Variants in NDE1 observed in about 807,000 individuals in gnomAD.
The protein encoded by NDE1 is nuclear distribution protein nudE homolog 1.
A neutral mutation model predicts 43.4 loss-of-function variants in NDE1; 28 were observed. The observed-to-expected ratio is 0.65, with a 90% CI of 0.48 to 0.89. The LOEUF (loss-of-function observed/expected upper bound fraction) is 0.89, where lower values mean the gene tolerates loss of function less well. Among genes scored for constraint, NDE1 ranks in the 40% least tolerant of loss-of-function variants. The pLI is 0.00. For missense variants in NDE1, 441 were observed against 434.1 expected (o/e 1.02, Z -0.14); for synonymous variants, 184 against 172.0 (o/e 1.07, Z -0.55).
In NDE1 at chr16:15,677,948, C is replaced by T. The variant is rs1812104536; in HGVS notation, c.385C>T (p.Arg129Cys). 5 of 1,613,794 alleles carry T rather than the reference C, an allele frequency of 3.1e-6. No individual in the cohort carries two copies. The highest frequency in any genetic ancestry group is 1.7e-5 in the Admixed American group (1 of 59,942). The change falls in exon 4 of 9, where the codon CGC (arginine) becomes TGC (cysteine). Residue 129 changes from arginine to cysteine, a missense_variant and splice_region_variant. By Grantham distance (180) the Arg-to-Cys change is radical. Transcript: ENST00000396354. ...QANDDLERAK[R>C]ATIMSLEDFE... ...AAATGACGACCTGGAAAGAGCCAAG[C>T]GGTATGGGTGGAAGGGAAAAGCACG...
chr16:15,694,355 T>C lies in NDE1; in HGVS notation c.795+99T>C, dbSNP rs755393396. 16 of 1,547,734 alleles carry C rather than the reference T, an allele frequency of 1.0e-5. No individual in the cohort carries two copies. The South Asian group carries it at 1.5e-4, about 15-fold the overall frequency. Reference sequence around the variant, plus strand: ...TTCCTTCCCTCTCTTCTTTTTTTCTTTTTTTTTAGAGACAGGGTCTTGCTC... The same window carrying C: ...TTCCTTCCCTCTCTTCTTTTTTTCTCTTTTTTTAGAGACAGGGTCTTGCTC... On this transcript the variant is annotated intron_variant, in intron 7 of 8. Coordinates refer to ENST00000396354, the MANE Select transcript of NDE1 (RefSeq NM_017668.3).
intron 3 of NDE1, among the ~76,000 whole-genome samples, chr16:15,675,739 G>A (rs926321353): frequency 2.4e-4 from 36 of 152,108 alleles, no homozygotes; most frequent in African/African-American, 8.7e-4. Flanking sequence ...GGTGTTTGGT[G>A]AAGGAAAGTA....
chr16:15,717,274 G>C lies in NDE1; in HGVS notation c.948-6917G>C, dbSNP rs35295469. 7 of 1,613,860 alleles carry C rather than the reference G, an allele frequency of 4.3e-6. No homozygotes were observed. The highest frequency in any genetic ancestry group is 2.2e-5 in the East Asian group (1 of 44,884). On this transcript the variant is annotated intron_variant, in intron 8 of 8. Transcript: ENST00000396354. Reference sequence around the variant, plus strand: ...TCCGGAGCTCCTTGTTCTGCCGCTCGAGCTGCTGCCGGGCACTCTCATTCT... The same window carrying C: ...TCCGGAGCTCCTTGTTCTGCCGCTCCAGCTGCTGCCGGGCACTCTCATTCT...
chr16:15,661,071 T>TA (rs1476269904), intron 1 of NDE1, among the ~76,000 whole-genome samples: 1 of 152,116 alleles, frequency 6.6e-6, no homozygotes, highest in Non-Finnish European at 1.5e-5. Context: ...CATCTTGGTG[T>TA]GTCATGGACA....
Position 15,679,156 on chromosome 16 carries a change from G to T in NDE1, c.386+1207G>T, listed in dbSNP as rs569189754. Among the ~76,000 whole-genome samples the T allele has an allele frequency of 2.6e-3, 392 of 152,226 alleles. 6 individuals are homozygous for T. The highest frequency in any genetic ancestry group is 9.2e-3 in the African/African-American group (382 of 41,542). On this transcript the variant is annotated intron_variant, in intron 4 of 8. Coordinates refer to ENST00000396354, the MANE Select transcript of NDE1 (RefSeq NM_017668.3). ...TTCTTTTATTTATTTTTGGAAACAG[G>T]GTCTTGCTCTGTTACCCAGGCTGGA...
chr16:15,651,149 G>T (rs974134364), intron 1 of NDE1, among the ~76,000 whole-genome samples: 1 of 152,156 alleles, frequency 6.6e-6, no homozygotes, highest in Non-Finnish European at 1.5e-5. Flanking sequence ...CCTCCTGAGG[G>T]CCTGAGCTTC....
intron 8 of NDE1, among the ~76,000 whole-genome samples, chr16:15,711,656 G>A (rs2039801826): frequency 2.6e-5 from 4 of 152,136 alleles, no homozygotes; most frequent in Admixed American, 2.6e-4. Flanking sequence ...TAGGACCCGA[G>A]GGATAAAGGT....
At chr16:15,643,570 CT>C (rs796579453) in exon 1 of NDE1, 16,563 of 244,214 alleles carry the variant, frequency 0.068, no homozygotes, top group South Asian at 0.14. Context: ...GTCCCTTCGG[CT>C]TTTTTTTTTT....
intron 8 of NDE1, chr16:15,719,041 T>A: frequency 1.5e-6 from 1 of 663,650 alleles, no homozygotes; most frequent in Non-Finnish European, 2.7e-6. Context: ...GGCAGGAGAA[T>A]TGCTTGAACC....
intron 2 of NDE1, 85 bp downstream of exon 2, chr16:15,664,946 T>G: frequency 9.3e-7 from 1 of 1,077,216 alleles, no homozygotes; most frequent in Non-Finnish European, 1.4e-6. Flanking sequence ...GTGCGGTGGC[T>G]GTTCCTAGGC....
intron 8 of NDE1, among the ~76,000 whole-genome samples, chr16:15,709,460 A>G (rs1436466274): frequency 1.3e-5 from 2 of 152,042 alleles, no homozygotes; most frequent in Non-Finnish European, 2.9e-5. Context: ...GATTACAGGC[A>G]TGCACCACCG....
chr16:15,715,024 C>G, intron 8 of NDE1: 1 of 1,613,896 alleles, frequency 6.2e-7, no homozygotes, highest in Non-Finnish European at 8.5e-7. Flanking sequence ...TGGGACTCCT[C>G]CTCTGCCTCC....
intron 8 of NDE1, among the ~76,000 whole-genome samples, chr16:15,700,910 A>T (rs2151153928): frequency 6.6e-6 from 1 of 152,212 alleles, no homozygotes; most frequent in East Asian, 1.9e-4. Flanking sequence ...CATGTCTAAG[A>T]ACAGAGAACT....
Position 15,714,945 on chromosome 16 carries a change from A to G in NDE1, c.948-9246A>G, listed in dbSNP as rs2040036994. The G allele has an allele frequency of 1.2e-6, 2 of 1,614,034 alleles. No individual in the cohort carries two copies. The highest frequency in any genetic ancestry group is 1.7e-6 in the Non-Finnish European group (2 of 1,180,004). On this transcript the variant is annotated intron_variant, in intron 8 of 8. Coordinates refer to ENST00000396354, the MANE Select transcript of NDE1 (RefSeq NM_017668.3). The stretch of plus-strand genomic sequence containing the variant: ...CTTGAGTGCGTTCACCTCGCGGCCC[A>G]TGGCCTCGTTGCTCTCCGTGGCCTC...
intron 1 of NDE1, among the ~76,000 whole-genome samples, chr16:15,661,296 C>T (rs140742848): frequency 0.015 from 2,244 of 152,028 alleles, 57 homozygotes; most frequent in African/African-American, 0.051. Flanking sequence ...CTACAGGCAC[C>T]CGCTGCCAGG....
At chr16:15,709,085 G>A (rs1166451233) in intron 8 of NDE1, among the ~76,000 whole-genome samples, 2 of 151,854 alleles carry the variant, frequency 1.3e-5, no homozygotes, top group Non-Finnish European at 2.9e-5. Context: ...TGGGATTACA[G>A]GCAGGCCCCA....
At chr16:15,698,802 A>G (rs1026926850) in intron 8 of NDE1, among the ~76,000 whole-genome samples, 26 of 152,014 alleles carry the variant, frequency 1.7e-4, no homozygotes, top group Admixed American at 5.9e-4. Context: ...TGGAGGTTGC[A>G]GTGAGCCAAG....
intron 8 of NDE1, chr16:15,718,898 TAGG>T (rs2040316315): frequency 4.8e-6 from 2 of 419,596 alleles, no homozygotes; most frequent in South Asian, 2.2e-5. Flanking sequence ...GAGGCCAAGG[TAGG>T]AGGATCACCT....
intron 8 of NDE1, among the ~76,000 whole-genome samples, chr16:15,698,082 G>A (rs1206223667): frequency 2.0e-5 from 3 of 152,108 alleles, no homozygotes; most frequent in Admixed American, 6.6e-5. Flanking sequence ...GATTACAGGC[G>A]TGAGCCACTG....
Sources: gnomAD v4.1 joint callset for allele counts (sites outside exome capture counted in the v4.1 genomes callset) on GRCh38, gnomAD v4.1.1 for gene constraint, MANE v1.5 for transcripts, NCBI Gene and HGNC (gene_info 2026-07-23, HGNC 2026-07-21) for gene names.